Variants in GREB1L observed in about 807,000 individuals in gnomAD.
GREB1L encodes the protein GREB1 like retinoic acid receptor coactivator.
In GREB1L, 17 loss-of-function variants were observed where a neutral mutation model predicts 200.8. That is an observed-to-expected ratio of 0.08 (90% CI 0.06 to 0.13). The LOEUF (loss-of-function observed/expected upper bound fraction) is 0.13, where lower values mean the gene tolerates loss of function less well. Among genes scored for constraint, GREB1L ranks in the 10% least tolerant of loss-of-function variants. The pLI is 1.00. For missense variants in GREB1L, 1,657 were observed against 2,367.7 expected (o/e 0.70, Z 6.23); for synonymous variants, 789 against 893.0 (o/e 0.88, Z 2.08).
chr18:21,450,882 C>A (rs2034488536), intron 12 of GREB1L, 141 bp from the exon 13 acceptor site: 2 of 671,690 alleles, frequency 3.0e-6, no homozygotes, highest in Non-Finnish European at 5.0e-6. Flanking sequence ...ATTGTCCATA[C>A]CTTTTGATGT....
intron 17 of GREB1L, among the ~76,000 whole-genome samples, chr18:21,478,967 C>T (rs1478258599): frequency 6.6e-6 from 1 of 152,150 alleles, no homozygotes; most frequent in Admixed American, 6.5e-5. Context: ...CTGCAACCTC[C>T]ACCTCCCAGG....
chr18:21,376,106 T>A (rs532960382), intron 2 of GREB1L, among the ~76,000 whole-genome samples: 2 of 152,242 alleles, frequency 1.3e-5, no homozygotes, highest in East Asian at 3.9e-4. Flanking sequence ...TCTCTCTCTC[T>A]CTCTGCTGTA....
chr18:21,434,539 A>ATATATG (rs1568007784), intron 7 of GREB1L, among the ~76,000 whole-genome samples: 15 of 132,342 alleles, frequency 1.1e-4, no homozygotes, highest in African/African-American at 4.4e-4. Flanking sequence ...GTGTATATAT[A>ATATATG]TGTGTATATA....
At chr18:21,387,926 CG>C (rs1343323623) in intron 4 of GREB1L, among the ~76,000 whole-genome samples, 1 of 152,120 alleles carries the variant, frequency 6.6e-6, no homozygotes, top group African/African-American at 2.4e-5. Flanking sequence ...TTTTTACTCT[CG>C]TAGGGATCCC....
chr18:21,403,519 TGGTATTGAAA>T (rs2041402701), intron 6 of GREB1L, among the ~76,000 whole-genome samples: 1 of 152,202 alleles, frequency 6.6e-6, no homozygotes, highest in Non-Finnish European at 1.5e-5. Context: ...GGATGTTAAC[TGGTATTGAAA>T]GGCCTATTAG....
Position 21,324,635 on chromosome 18 carries a change from C to T in GREB1L, c.-119-41392C>T, listed in dbSNP as rs558192773. ...AACATCCTGGCTAACACGGTGAAAC[C>T]CCGTCTCTACTAAAAATACAAAAAA... On this transcript the variant is annotated intron_variant, in intron 1 of 32. Coordinates refer to ENST00000424526, the MANE Select transcript of GREB1L (RefSeq NM_001142966.3). 2.0e-5 allele frequency among the ~76,000 whole-genome samples: 3 copies of T among 152,228 alleles called. No individual in the cohort carries two copies. The South Asian group carries it at 6.2e-4, about 32-fold the overall frequency.
intron 15 of GREB1L, among the ~76,000 whole-genome samples, chr18:21,457,899 A>G (rs1393904335): frequency 6.6e-6 from 1 of 151,336 alleles, no homozygotes; most frequent in Non-Finnish European, 1.5e-5. Flanking sequence ...ATATGTCATC[A>G]TGTGAATTGA....
At chr18:21,508,077 G>A (rs1156660380) in intron 25 of GREB1L, 41 bp from the exon 26 acceptor site, 1 of 1,537,846 alleles carries the variant, frequency 6.5e-7, no homozygotes, top group African/African-American at 1.4e-5. Flanking sequence ...GGAAACTGTG[G>A]GCTTACTTAC....
At chr18:21,250,159 G>A (rs904786068) in intron 1 of GREB1L, among the ~76,000 whole-genome samples, 1 of 152,106 alleles carries the variant, frequency 6.6e-6, no homozygotes, top group Admixed American at 6.5e-5. Context: ...GATGGGGAGA[G>A]GTAAGCGAGG....
intron 25 of GREB1L, 30 bp from the exon 26 acceptor site, chr18:21,508,088 G>C: frequency 3.2e-6 from 5 of 1,547,570 alleles, no homozygotes; most frequent in South Asian, 1.2e-5. Context: ...GCTTACTTAC[G>C]TTCCCTCCCT....
At chr18:21,413,405 C>T (rs1384736063) in intron 7 of GREB1L, among the ~76,000 whole-genome samples, 1 of 152,204 alleles carries the variant, frequency 6.6e-6, no homozygotes, top group East Asian at 1.9e-4. Flanking sequence ...CCCCTTCCCT[C>T]TCTAGGTGCA....
intron 1 of GREB1L, among the ~76,000 whole-genome samples, chr18:21,262,485 C>T (rs2037904843): frequency 6.6e-6 from 1 of 152,124 alleles, no homozygotes; most frequent in Non-Finnish European, 1.5e-5. Context: ...CTTAGAGATA[C>T]TTTTGCTCCG....
intron 1 of GREB1L, among the ~76,000 whole-genome samples, chr18:21,323,696 T>C (rs9944737): frequency 0.025 from 3,742 of 152,132 alleles, 153 homozygotes; most frequent in African/African-American, 0.085. Flanking sequence ...ATACCACCTA[T>C]ACATTGCCAC....
At chr18:21,424,806 G>A (rs2032431788) in intron 7 of GREB1L, among the ~76,000 whole-genome samples, 1 of 152,092 alleles carries the variant, frequency 6.6e-6, no homozygotes, top group Non-Finnish European at 1.5e-5. Context: ...TCCATTAATA[G>A]TCATTCCCTG....
At chr18:21,242,637 G>T (rs947955957) in intron 1 of GREB1L, among the ~76,000 whole-genome samples, 28 of 152,126 alleles carry the variant, frequency 1.8e-4, no homozygotes, top group Non-Finnish European at 4.4e-5. Context: ...CTTCCCTGCC[G>T]CCTCGCGTCG....
intron 15 of GREB1L, among the ~76,000 whole-genome samples, chr18:21,461,435 G>A (rs916833987): frequency 6.6e-6 from 1 of 152,078 alleles, no homozygotes; most frequent in African/African-American, 2.4e-5. Context: ...CAAACCAAGA[G>A]GGCTGTCCAT....
At chr18:21,498,518 T>G (rs1021746052) in intron 21 of GREB1L, among the ~76,000 whole-genome samples, 1 of 152,114 alleles carries the variant, frequency 6.6e-6, no homozygotes, top group African/African-American at 2.4e-5. Flanking sequence ...GATACCAGCA[T>G]GAGGAGGAGG....
chr18:21,491,094 G>A (rs1427637366), intron 19 of GREB1L, among the ~76,000 whole-genome samples: 6 of 152,134 alleles, frequency 3.9e-5, no homozygotes, highest in Non-Finnish European at 7.4e-5. Context: ...TGCCTGACTC[G>A]GTTTTTCTGG....
At chr18:21,353,363 G>A (rs1436386988) in intron 1 of GREB1L, among the ~76,000 whole-genome samples, 1 of 152,046 alleles carries the variant, frequency 6.6e-6, no homozygotes, top group East Asian at 1.9e-4. Flanking sequence ...CTCAATAGTA[G>A]CAGCTATTAC....
Sources: allele counts gnomAD v4.1 joint callset (sites outside exome capture counted in the v4.1 genomes callset), GRCh38; gene constraint gnomAD v4.1.1; transcripts MANE v1.5; gene names NCBI Gene and HGNC (gene_info 2026-07-23, HGNC 2026-07-21).